ATP2A2: variants seen among roughly 807,000 people sequenced by gnomAD.
ATP2A2 encodes the protein sarcoplasmic/endoplasmic reticulum calcium ATPase 2.
A neutral mutation model predicts 109.3 loss-of-function variants in ATP2A2; 14 were observed. The observed-to-expected ratio is 0.13, with a 90% CI of 0.08 to 0.20. ATP2A2 has a LOEUF of 0.20. Ranked by LOEUF, ATP2A2 falls within the 10% of genes least tolerant of loss-of-function variation. ATP2A2 has a pLI of 1.00. For missense variants in ATP2A2, 657 were observed against 1,321.6 expected (o/e 0.50, Z 7.80); for synonymous variants, 506 against 490.9 (o/e 1.03, Z -0.41).
At chr12:110,336,775 C>T (rs967038785) in intron 11 of ATP2A2, among the ~76,000 whole-genome samples, 2 of 152,186 alleles carry the variant, frequency 1.3e-5, no homozygotes, top group African/African-American at 4.8e-5. Context: ...GTCTCAAAGC[C>T]ATGAAGGCCT....
intron 5 of ATP2A2, among the ~76,000 whole-genome samples, chr12:110,300,615 CT>C (rs1192133649): frequency 1.3e-5 from 2 of 148,486 alleles, no homozygotes; most frequent in East Asian, 4.0e-4. Flanking sequence ...GCTGGGATTA[CT>C]TACAGGTGTG....
intron 5 of ATP2A2, among the ~76,000 whole-genome samples, chr12:110,319,901 A>G (rs1877067484): frequency 6.6e-6 from 1 of 152,088 alleles, no homozygotes; most frequent in Non-Finnish European, 1.5e-5. Context: ...CACCAACATG[A>G]TGCTCAAGGG....
chr12:110,335,974 C>T (rs1878804390), intron 11 of ATP2A2, among the ~76,000 whole-genome samples: 1 of 152,198 alleles, frequency 6.6e-6, no homozygotes, highest in Non-Finnish European at 1.5e-5. Flanking sequence ...GAGTGAATAC[C>T]CTCTATCTGC....
intron 14 of ATP2A2, 41 bp downstream of exon 14, chr12:110,341,035 A>G: frequency 6.3e-7 from 1 of 1,599,196 alleles, no homozygotes; most frequent in Non-Finnish European, 8.6e-7. Flanking sequence ...CAGGCTACAC[A>G]AGCACATAGT....
At chr12:110,290,303 G>A (rs978552082) in intron 3 of ATP2A2, among the ~76,000 whole-genome samples, 22 of 152,148 alleles carry the variant, frequency 1.4e-4, no homozygotes, top group Admixed American at 6.5e-5. Flanking sequence ...CCAAAGTGCC[G>A]GGATTATAGG....
intron 4 of ATP2A2, among the ~76,000 whole-genome samples, chr12:110,295,621 T>A (rs993969754): frequency 3.9e-5 from 6 of 152,240 alleles, no homozygotes; most frequent in East Asian, 1.9e-4. Flanking sequence ...AAGGTTTTTT[T>A]ATACTTTTTC....
At position 110,339,153 on chromosome 12, in the gene ATP2A2, A is replaced by G. The variant is rs2137850455; in HGVS notation, c.1420-128A>G. On this transcript the variant is annotated intron_variant, in intron 11 of 19. Transcript: ENST00000539276. This position sits in a 1 kb window ranked among gnomAD's most constrained non-coding sequence, Gnocchi z 4.4. Reference sequence around the variant, plus strand: ...ATAGGGGACAAGTTTCATGAGGGCAAAAACCTGTCTGTTTTGTTTATTGCT... The same window carrying G: ...ATAGGGGACAAGTTTCATGAGGGCAGAAACCTGTCTGTTTTGTTTATTGCT... The G allele has an allele frequency of 7.4e-7, 1 of 1,354,486 alleles. No homozygotes were observed. The highest frequency in any genetic ancestry group is 1.0e-6 in the Non-Finnish European group (1 of 963,670). 83.9% of individuals were successfully genotyped at this position (1,354,486 alleles called of 1,614,324 possible).
intron 5 of ATP2A2, among the ~76,000 whole-genome samples, chr12:110,299,123 C>T (rs1874280061): frequency 6.6e-6 from 1 of 152,012 alleles, no homozygotes; most frequent in Non-Finnish European, 1.5e-5. Flanking sequence ...GCATGAGCAA[C>T]CAAGCTCCTA....
chr12:110,306,915 C>T (rs1215839989), intron 5 of ATP2A2, among the ~76,000 whole-genome samples: 4 of 151,978 alleles, frequency 2.6e-5, no homozygotes, highest in African/African-American at 4.8e-5. Context: ...ATGCCCACCA[C>T]GCCCAACTAA....
chr12:110,350,692 G>A lies in ATP2A2; in HGVS notation c.*4222G>A, dbSNP rs549913534. ...TATTCAATTGTAATGCATGCCTTCG[G>A]TTGTAAGTAGCCAGATCCCTCTCCA... On this transcript the variant is annotated 3_prime_UTR_variant, in exon 20 of 20. Coordinates refer to ENST00000539276, the MANE Select transcript of ATP2A2 (RefSeq NM_170665.4). The A allele has an allele frequency of 3.0e-5, 8 of 269,766 alleles. No individual in the cohort carries two copies. Among genetic ancestry groups the A allele is most frequent in the African/African-American group, 1.3e-4 (6 of 45,526 alleles). The allele number at this position is 269,766 out of a possible 1,614,324, so 16.7% of individuals were successfully genotyped here. A position where few individuals can be genotyped will look rare whatever the true frequency, so the allele number is the denominator to read the frequency against.
chr12:110,341,611 T>G (rs545863511), intron 14 of ATP2A2, among the ~76,000 whole-genome samples: 7 of 152,192 alleles, frequency 4.6e-5, no homozygotes, highest in African/African-American at 1.7e-4. Flanking sequence ...CAGTGGCTCA[T>G]GCCTGTAACC....
intron 3 of ATP2A2, among the ~76,000 whole-genome samples, chr12:110,288,708 A>G (rs1872937416): frequency 6.6e-6 from 1 of 152,136 alleles, no homozygotes; most frequent in South Asian, 2.1e-4. Flanking sequence ...CCTGGCTTGA[A>G]ACAGATAATT....
At position 110,348,448 on chromosome 12, in the gene ATP2A2, TAGATGTAATGC is replaced by T; in HGVS notation, c.*1984_*1994del. On this transcript the variant is annotated 3_prime_UTR_variant, in exon 20 of 20. Coordinates refer to ENST00000539276, the MANE Select transcript of ATP2A2 (RefSeq NM_170665.4). Reference sequence around the variant, plus strand: ...AGGCTCTGGTTACTGGGATGGCCAGTAGATGTAATGCAGATGGTTGGAGTTTGGGGAGGGTT... The same window carrying T: ...AGGCTCTGGTTACTGGGATGGCCAGTAGATGGTTGGAGTTTGGGGAGGGTT... 2 of 985,374 alleles carry T rather than the reference TAGATGTAATGC, an allele frequency of 2.0e-6. No homozygotes were observed. The highest frequency in any genetic ancestry group is 2.4e-6 in the Non-Finnish European group (2 of 830,028). 61.0% of individuals were successfully genotyped at this position (985,374 alleles called of 1,614,324 possible).
chr12:110,303,536 G>A (rs1163994933), intron 5 of ATP2A2, among the ~76,000 whole-genome samples: 4 of 151,880 alleles, frequency 2.6e-5, no homozygotes, highest in East Asian at 1.9e-4. Flanking sequence ...TCAGCCTCCC[G>A]AGTAGCTGAG....
chr12:110,332,413 T>C (rs995561332), intron 8 of ATP2A2, 184 bp from the exon 9 acceptor site: 4 of 636,922 alleles, frequency 6.3e-6, no homozygotes, highest in Admixed American at 4.8e-5. Context: ...TCTAATATAA[T>C]TAAGCTAGTT....
At chr12:110,301,634 C>G (rs1451936072) in intron 5 of ATP2A2, among the ~76,000 whole-genome samples, 1 of 152,300 alleles carries the variant, frequency 6.6e-6, no homozygotes, top group African/African-American at 2.4e-5. Flanking sequence ...TGTTGTCTTC[C>G]TCCAGTCCAT....
chr12:110,305,311 G>C (rs529169907), intron 5 of ATP2A2, among the ~76,000 whole-genome samples: 2 of 152,144 alleles, frequency 1.3e-5, no homozygotes, highest in Non-Finnish European at 2.9e-5. Flanking sequence ...GCAGAGGTAC[G>C]AAGATGACTT....
chr12:110,312,463 CAT>C (rs940110360), intron 5 of ATP2A2, among the ~76,000 whole-genome samples: 2 of 152,102 alleles, frequency 1.3e-5, no homozygotes, highest in African/African-American at 4.8e-5. Context: ...TCCCCAAAAA[CAT>C]ATATTGAAAA....
chr12:110,293,880 T>A (rs1873663402), intron 4 of ATP2A2, among the ~76,000 whole-genome samples: 6 of 137,184 alleles, frequency 4.4e-5, no homozygotes, highest in African/African-American at 1.7e-4. Context: ...ATTTTTTTTT[T>A]TTTTTTTTTT....
Sources: allele counts gnomAD v4.1 joint callset (sites outside exome capture counted in the v4.1 genomes callset), GRCh38; gene constraint gnomAD v4.1.1; non-coding constraint Gnocchi (gnomAD v3.1); transcripts MANE v1.5; gene names NCBI Gene and HGNC (gene_info 2026-07-23, HGNC 2026-07-21).